Variants in SRBD1 observed in about 807,000 individuals in gnomAD.
The protein encoded by SRBD1 is S1 RNA-binding domain-containing protein 1.
In SRBD1, 88 loss-of-function variants were observed where a neutral mutation model predicts 115.3. The ratio of observed to expected loss-of-function variants is 0.76; its 90% CI spans 0.64 to 0.91. The LOEUF is 0.91. SRBD1 is among the 40% of genes least tolerant of loss of function. The pLI is 0.00. For synonymous variants in SRBD1, 509 were observed against 407.7 expected (o/e 1.25, Z -2.99); for missense variants, 1,385 against 1,177.4 (o/e 1.18, Z -2.58).
At chr2:45,596,113 G>A (rs1042877630) in intron 4 of SRBD1, among the ~76,000 whole-genome samples, 2 of 152,206 alleles carry the variant, frequency 1.3e-5, no homozygotes, top group African/African-American at 2.4e-5. Flanking sequence ...CTTTAAATGA[G>A]ACAACTTGCT....
chr2:45,460,646 C>G (rs549442637), intron 16 of SRBD1, among the ~76,000 whole-genome samples: 1 of 152,256 alleles, frequency 6.6e-6, no homozygotes, highest in South Asian at 2.1e-4. Context: ...AAAACCAACT[C>G]CCAAGAATAA....
Position 45,562,869 on chromosome 2 carries a change from A to T in SRBD1, c.1306-113T>A, listed in dbSNP as rs1231220621. 3 of 611,214 alleles carry T rather than the reference A, an allele frequency of 4.9e-6. No individual in the cohort carries two copies. In the East Asian group the frequency reaches 9.2e-5, roughly 19 times the overall value. 37.9% of individuals were successfully genotyped at this position (611,214 alleles called of 1,614,324 possible). On this transcript the variant is annotated intron_variant, in intron 9 of 20. Coordinates refer to ENST00000263736, the MANE Select transcript of SRBD1 (RefSeq NM_018079.5). The stretch of plus-strand genomic sequence containing the variant: ...TTTTACTCGTTTATTAAACAAGAAT[A>T]CATTTTAAAATAATCATTTACTTAC...
At chr2:45,472,257 T>A (rs1012900710) in intron 16 of SRBD1, among the ~76,000 whole-genome samples, 10 of 152,202 alleles carry the variant, frequency 6.6e-5, no homozygotes, top group African/African-American at 2.4e-4. Context: ...ATTGTATGAT[T>A]CCATGTATAT....
chr2:45,412,046 G>A (rs1667618934), intron 19 of SRBD1, among the ~76,000 whole-genome samples: 1 of 151,546 alleles, frequency 6.6e-6, no homozygotes, highest in Non-Finnish European at 1.5e-5. Flanking sequence ...CCAGGAGGCA[G>A]AGGTTGCCGA....
chr2:45,517,448 A>C (rs1268239514), intron 14 of SRBD1, among the ~76,000 whole-genome samples: 5 of 152,212 alleles, frequency 3.3e-5, no homozygotes, highest in Non-Finnish European at 7.4e-5. Flanking sequence ...AAAGCAGAAA[A>C]AACTGTGAAA....
chr2:45,425,402 G>C (rs1164674704), intron 16 of SRBD1, among the ~76,000 whole-genome samples: 2 of 152,092 alleles, frequency 1.3e-5, no homozygotes, highest in African/African-American at 4.8e-5. Flanking sequence ...TTGCACAAAG[G>C]GGTGTGTATA....
In SRBD1 at chr2:45,413,157, C is replaced by T; in HGVS notation, c.2470G>A (p.Asp824Asn). 1 of 1,614,062 alleles carries T rather than the reference C, an allele frequency of 6.2e-7. No homozygotes were observed. Among genetic ancestry groups the T allele is most frequent in the Non-Finnish European group, 8.5e-7 (1 of 1,179,974 alleles). Residue 824 changes from aspartate to asparagine, a missense_variant, in exon 19 of 21, where the codon GAC (aspartate) becomes AAC (asparagine). Transcript: ENST00000263736. ...VNVLLKPNPL[D>N]QTCIHPESYD... ...GATTCTGGATGAATACAAGTTTGGT[C>T]CAAAGGATTTGGCTTCAGTAAAACA...
chr2:45,536,230 A>G (rs1671759138), intron 14 of SRBD1, among the ~76,000 whole-genome samples: 1 of 152,044 alleles, frequency 6.6e-6, no homozygotes, highest in Admixed American at 6.5e-5. Context: ...AAAAATACAT[A>G]AATGTAAGAT....
chr2:45,488,766 A>G (rs548925907), intron 14 of SRBD1, among the ~76,000 whole-genome samples: 3 of 152,210 alleles, frequency 2.0e-5, no homozygotes, highest in African/African-American at 7.2e-5. Flanking sequence ...ATATGGACAT[A>G]TGTGTGGATA....
At chr2:45,555,888 T>C (rs1336807240) in intron 10 of SRBD1, among the ~76,000 whole-genome samples, 10 of 152,158 alleles carry the variant, frequency 6.6e-5, no homozygotes, top group African/African-American at 1.9e-4. Context: ...TATGATACTA[T>C]CCATTCTGTG....
At chr2:45,563,615 G>C (rs1026666872) in intron 9 of SRBD1, among the ~76,000 whole-genome samples, 1 of 151,910 alleles carries the variant, frequency 6.6e-6, no homozygotes, top group Admixed American at 6.6e-5. Flanking sequence ...AGGAACAAAA[G>C]AGAGGCCACT....
At position 45,605,420 on chromosome 2, in the gene SRBD1, C is replaced by G. The variant is rs773446492; in HGVS notation, c.22G>C (p.Ala8Pro). MSSLPRR[A>P]KVQVQDVVLK... is the part of the protein sequence containing the mutation. ...ACCACATCCTGGACCTGTACTTTCG[C>G]TCTTCTTGGCAATGATGACATCTAG... Residue 8 changes from alanine to proline, a missense_variant, in exon 2 of 21, where the codon GCG (alanine) becomes CCG (proline). Ala to Pro is a conservative substitution (Grantham distance 27, BLOSUM62 -1). Coordinates refer to ENST00000263736, the MANE Select transcript of SRBD1 (RefSeq NM_018079.5). The G allele has an allele frequency of 1.9e-6, 3 of 1,613,706 alleles. No homozygotes were observed. The highest frequency in any genetic ancestry group is 1.7e-6 in the Non-Finnish European group (2 of 1,179,980).
chr2:45,547,106 C>G (rs1672145046), intron 13 of SRBD1, among the ~76,000 whole-genome samples: 2 of 152,046 alleles, frequency 1.3e-5, no homozygotes, highest in South Asian at 2.1e-4. Context: ...AAGAAGGAAC[C>G]AAAATCAGAG....
chr2:45,453,279 A>AAG (rs1360413770), intron 16 of SRBD1, among the ~76,000 whole-genome samples: 2 of 151,148 alleles, frequency 1.3e-5, no homozygotes, highest in Non-Finnish European at 1.5e-5. Context: ...AAAAAAAAAA[A>AAG]AAAGAAAGAA....
chr2:45,411,616 C>T (rs1195554543), intron 19 of SRBD1, among the ~76,000 whole-genome samples: 3 of 152,024 alleles, frequency 2.0e-5, no homozygotes, highest in Admixed American at 2.0e-4. Flanking sequence ...TTCCTGATCT[C>T]AACAGCAGTT....
chr2:45,591,095 C>T (rs1673707619), intron 4 of SRBD1, among the ~76,000 whole-genome samples: 2 of 151,892 alleles, frequency 1.3e-5, no homozygotes, highest in Non-Finnish European at 2.9e-5. Flanking sequence ...TGGACAAATA[C>T]AGGAGTCATG....
At chr2:45,478,686 T>C (rs1669874636) in intron 15 of SRBD1, among the ~76,000 whole-genome samples, 2 of 152,224 alleles carry the variant, frequency 1.3e-5, no homozygotes, top group Admixed American at 1.3e-4. Context: ...AAAGCAAATA[T>C]TATTTCTTTA....
intron 2 of SRBD1, 132 bp downstream of exon 2, chr2:45,605,230 C>A: frequency 1.4e-6 from 1 of 702,500 alleles, no homozygotes; most frequent in Non-Finnish European, 2.4e-6. Flanking sequence ...TCAACAAATA[C>A]TTGTTGCATG....
intron 14 of SRBD1, among the ~76,000 whole-genome samples, chr2:45,534,387 A>G (rs973858494): frequency 5.3e-5 from 8 of 151,976 alleles, no homozygotes; most frequent in Non-Finnish European, 8.8e-5. Flanking sequence ...CCCAGTGTTC[A>G]TAATAGTCAC....
Sources: allele counts gnomAD v4.1 joint callset (sites outside exome capture counted in the v4.1 genomes callset), GRCh38; gene constraint gnomAD v4.1.1; transcripts MANE v1.5; gene names NCBI Gene and HGNC (gene_info 2026-07-23, HGNC 2026-07-21).